The following CDH23 variants were observed in gnomAD, a reference collection of about 807,000 sequenced individuals.
The protein encoded by CDH23 is cadherin-23.
A neutral mutation model predicts 317.1 loss-of-function variants in CDH23; 189 were observed. The ratio of observed to expected loss-of-function variants is 0.60; its 90% CI spans 0.53 to 0.67. CDH23 has a LOEUF of 0.67. CDH23 is among the 30% of genes least tolerant of loss of function. CDH23 has a pLI of 0.00. For missense variants in CDH23, 4,401 were observed against 4,592.4 expected, an observed-to-expected ratio of 0.96 and a Z score of 1.20; for synonymous variants, 1,839 against 1,876.8, an observed-to-expected ratio of 0.98 and a Z score of 0.52.
At chr10:71,624,693 C>G (rs1433042571) in intron 11 of CDH23, among the ~76,000 whole-genome samples, 2 of 151,866 alleles carry the variant, frequency 1.3e-5, no homozygotes, top group Non-Finnish European at 2.9e-5. Context: ...GAGAGAGAAC[C>G]TGTCTCTAAA....
chr10:71,767,788 G>A (rs149806408), intron 38 of CDH23, among the ~76,000 whole-genome samples: 35 of 152,368 alleles, frequency 2.3e-4, no homozygotes, highest in South Asian at 4.1e-4. Flanking sequence ...CCCGCAGGAA[G>A]TGTCCATTCA....
intron 36 of CDH23, among the ~76,000 whole-genome samples, chr10:71,740,479 G>A (rs1839705029): frequency 6.6e-6 from 1 of 152,240 alleles, no homozygotes; most frequent in African/African-American, 2.4e-5. Context: ...CAGGTTGCAG[G>A]CCCAGGGTCA....
chr10:71,701,995 T>A (rs765205908), intron 22 of CDH23, 27 bp from the exon 23 acceptor site: 1 of 1,611,834 alleles, frequency 6.2e-7, no homozygotes, highest in South Asian at 1.1e-5. Flanking sequence ...CGCGGCTCAG[T>A]GAAGGGGTCT....
intron 6 of CDH23, among the ~76,000 whole-genome samples, chr10:71,540,211 A>G (rs1855912282): frequency 1.3e-5 from 2 of 152,144 alleles, no homozygotes; most frequent in African/African-American, 4.8e-5. Context: ...TGCAGACCAG[A>G]GTGCACAATC....
chr10:71,602,249 C>T (rs962928140), intron 9 of CDH23, among the ~76,000 whole-genome samples: 1 of 152,144 alleles, frequency 6.6e-6, no homozygotes, highest in African/African-American at 2.4e-5. Context: ...AGCCGTGGCA[C>T]TGTCAGGATT....
chr10:71,444,131 G>T (rs1235713657), intron 2 of CDH23, among the ~76,000 whole-genome samples: 1 of 152,260 alleles, frequency 6.6e-6, no homozygotes, highest in Admixed American at 6.5e-5. Context: ...AAGGCCCCCA[G>T]CAGGGATCAA....
rs780829210 is a variant in CDH23, at chr10:71,799,177, C to T, written c.7121C>T (p.Ala2374Val). 6.2e-7 allele frequency: 1 copy of T among 1,614,042 alleles called. No individual in the cohort carries two copies. Among genetic ancestry groups the T allele is most frequent in the South Asian group, 1.1e-5 (1 of 91,086 alleles). Residue 2374 changes from alanine to valine, a missense_variant, in exon 51 of 70, where the codon GCC becomes GTC. By Grantham distance (64) the Ala-to-Val change is moderately conservative. Coordinates refer to ENST00000224721, the MANE Select transcript of CDH23 (RefSeq NM_022124.6). ...EVHWLNFTVR[A>V]SDNGSPPRAA... Reference sequence around the variant, plus strand: ...CACTGGCTCAACTTTACCGTGAGGGCCTCAGACAACGGGTCCCCGCCCCGG... The same window carrying T: ...CACTGGCTCAACTTTACCGTGAGGGTCTCAGACAACGGGTCCCCGCCCCGG...
chr10:71,721,576 G>C (rs1347338201), intron 28 of CDH23, among the ~76,000 whole-genome samples: 1 of 152,170 alleles, frequency 6.6e-6, no homozygotes, highest in Admixed American at 6.5e-5. Context: ...ATTCATGCTT[G>C]GGTGTGCCTG....
In CDH23 at chr10:71,732,001, G is replaced by A. The variant is rs1478583640; in HGVS notation, c.3730G>A (p.Val1244Met). The A allele has an allele frequency of 6.8e-6, 11 of 1,613,544 alleles. No individual in the cohort carries two copies. Among genetic ancestry groups the A allele is most frequent in the African/African-American group, 2.7e-5 (2 of 74,922 alleles). Residue 1244 changes from valine to methionine, a missense_variant, in exon 32 of 70, where the codon GTG becomes ATG. Physicochemically the swap from Val to Met is conservative, Grantham distance 21. Transcript: ENST00000224721. Reference sequence around the variant, plus strand: ...TCCTCCTACAGGGGATGGTGGCCTGGTGAACTACCGCATCCTGTCGGGCGC... The same window carrying A: ...TCCTCCTACAGGGGATGGTGGCCTGATGAACTACCGCATCCTGTCGGGCGC... ...TDRDSGDGGLVNYRILSGAEG... is the reference protein window; with the variant it reads ...TDRDSGDGGLMNYRILSGAEG...
At chr10:71,502,682 T>C (rs1375315468) in intron 3 of CDH23, among the ~76,000 whole-genome samples, 3 of 152,066 alleles carry the variant, frequency 2.0e-5, no homozygotes, top group African/African-American at 7.2e-5. Flanking sequence ...TGAGGATGCA[T>C]TGGGAAGCAC....
At chr10:71,774,458 C>G (rs949571820) in intron 38 of CDH23, among the ~76,000 whole-genome samples, 2 of 152,220 alleles carry the variant, frequency 1.3e-5, no homozygotes, top group African/African-American at 4.8e-5. Flanking sequence ...GTCCACACCC[C>G]CTTCAGCTAC....
At position 71,812,841 on chromosome 10, in the gene CDH23, A is replaced by G. The variant is rs1198959150; in HGVS notation, c.9584A>G (p.Tyr3195Cys). Residue 3195 changes from tyrosine to cysteine, a missense_variant, in exon 68 of 70, where the codon TAT becomes TGT. Physicochemically the swap from Tyr to Cys is radical, Grantham distance 194. Transcript: ENST00000224721. Reference protein sequence around the residue: ...DRYLRAAIQEYDNIAKLGQII... With the variant: ...DRYLRAAIQECDNIAKLGQII... ...TACCTGCGGGCTGCCATCCAGGAGT[A>G]TGACAACATTGCCAAGCTGGGCCAG... 1 of 1,613,778 alleles carries G rather than the reference A, an allele frequency of 6.2e-7. No homozygotes were observed. The highest frequency in any genetic ancestry group is 1.7e-5 in the Admixed American group (1 of 59,976).
At chr10:71,624,479 C>G (rs1287342772) in intron 11 of CDH23, among the ~76,000 whole-genome samples, 1 of 152,186 alleles carries the variant, frequency 6.6e-6, no homozygotes, top group South Asian at 2.1e-4. Context: ...CTGTACCTCA[C>G]AGAGCGTCTA....
intron 33 of CDH23, 109 bp downstream of exon 33, chr10:71,734,450 G>A (rs1005382195): frequency 4.7e-5 from 69 of 1,483,854 alleles, no homozygotes; most frequent in African/African-American, 2.5e-4. Context: ...GGCAGCGGGC[G>A]AGGGTCTTGA....
intron 9 of CDH23, among the ~76,000 whole-genome samples, chr10:71,594,026 T>G (rs938744948): frequency 2.6e-5 from 4 of 152,120 alleles, no homozygotes; most frequent in African/African-American, 7.2e-5. Context: ...CCCAGGAGTT[T>G]GAGGTTACAG....
chr10:71,407,957 A>G (rs978274586), intron 1 of CDH23, among the ~76,000 whole-genome samples: 4 of 152,224 alleles, frequency 2.6e-5, no homozygotes, highest in Non-Finnish European at 4.4e-5. Flanking sequence ...GAGAGACATA[A>G]AAGTGCTCAG....
At chr10:71,504,548 G>A (rs1226504703) in intron 3 of CDH23, among the ~76,000 whole-genome samples, 1 of 152,208 alleles carries the variant, frequency 6.6e-6, no homozygotes, top group Non-Finnish European at 1.5e-5. Context: ...GTTCTTGAAT[G>A]TTCTGCTTTC....
chr10:71,432,479 G>T (rs1261147335), intron 1 of CDH23, among the ~76,000 whole-genome samples: 2 of 150,762 alleles, frequency 1.3e-5, no homozygotes, highest in Non-Finnish European at 3.0e-5. Flanking sequence ...GTAGGTGTGT[G>T]TTTGAGAGTG....
At chr10:71,785,477 T>C (rs182687667) in intron 43 of CDH23, among the ~76,000 whole-genome samples, 154 bp from the exon 44 acceptor site, 3 of 152,264 alleles carry the variant, frequency 2.0e-5, no homozygotes, top group African/African-American at 7.2e-5. Context: ...TGGGTCACTC[T>C]CGCCCCGGCG....
Sources: allele counts gnomAD v4.1 joint callset (sites outside exome capture counted in the v4.1 genomes callset), GRCh38; gene constraint gnomAD v4.1.1; transcripts MANE v1.5; gene names NCBI Gene and HGNC (gene_info 2026-07-23, HGNC 2026-07-21).